MTBP: variants seen among roughly 807,000 people sequenced by gnomAD.
The protein encoded by MTBP is mdm2-binding protein.
A neutral mutation model predicts 117.0 loss-of-function variants in MTBP; 101 were observed. The ratio of observed to expected loss-of-function variants is 0.86; its 90% CI spans 0.73 to 1.02. The LOEUF is 1.02. MTBP is among the 50% of genes least tolerant of loss of function. MTBP has a pLI of 0.00. For missense variants in MTBP, 970 were observed against 1,030.9 expected (o/e 0.94, Z 0.81); for synonymous variants, 350 against 351.5 (o/e 1.00, Z 0.05).
intron 10 of MTBP, among the ~76,000 whole-genome samples, chr8:120,469,335 C>T (rs1414130158): frequency 3.3e-5 from 5 of 152,108 alleles, no homozygotes; most frequent in Non-Finnish European, 4.4e-5. Context: ...TATGAGCCAC[C>T]ATGCCTGGCC....
intron 15 of MTBP, among the ~76,000 whole-genome samples, chr8:120,505,560 C>A (rs1814670980): frequency 6.6e-6 from 1 of 152,080 alleles, no homozygotes; most frequent in Middle Eastern, 3.2e-3. Flanking sequence ...CCTTAATATA[C>A]AGAAATATGT....
intron 11 of MTBP, among the ~76,000 whole-genome samples, chr8:120,476,051 G>A (rs1424682040): frequency 1.3e-5 from 2 of 151,918 alleles, no homozygotes; most frequent in Non-Finnish European, 2.9e-5. Flanking sequence ...AGGAAACCAA[G>A]AACCTTATCT....
intron 11 of MTBP, among the ~76,000 whole-genome samples, chr8:120,478,993 C>T (rs1814010223): frequency 6.6e-6 from 1 of 152,182 alleles, no homozygotes. Context: ...ACTGTGGAAC[C>T]ATGTCCTTTG....
At position 120,518,777 on chromosome 8, in the gene MTBP, G is replaced by T. The variant is rs1162405321; in HGVS notation, c.2570G>T (p.Cys857Phe). The change falls in exon 20 of 22, where the codon TGC becomes TTC. Residue 857 changes from cysteine to phenylalanine, a missense_variant. Cys to Phe is a radical substitution (Grantham distance 205, BLOSUM62 -2). Coordinates refer to ENST00000305949, the MANE Select transcript of MTBP (RefSeq NM_022045.5). The stretch of plus-strand genomic sequence containing the variant: ...GAGACTCATGAATGTTTCACTGCAT[G>T]CAGCCAGCGTCTCTTTGAAATCTCT... Reference protein sequence around the residue: ...ITETHECFTACSQRLFEISKF... With the variant: ...ITETHECFTAFSQRLFEISKF... 1 of 1,611,836 alleles carries T rather than the reference G, an allele frequency of 6.2e-7. No homozygotes were observed. Among genetic ancestry groups the T allele is most frequent in the South Asian group, 1.1e-5 (1 of 90,918 alleles).
At chr8:120,518,501 C>T (rs1814959183) in intron 19 of MTBP, among the ~76,000 whole-genome samples, 1 of 151,932 alleles carries the variant, frequency 6.6e-6, no homozygotes, top group Non-Finnish European at 1.5e-5. Context: ...GTAGTCATTT[C>T]CTGCTAACAT....
intron 17 of MTBP, among the ~76,000 whole-genome samples, chr8:120,514,527 C>T (rs556778908): frequency 4.9e-4 from 75 of 152,132 alleles, no homozygotes; most frequent in Non-Finnish European, 9.0e-4. Flanking sequence ...CTTGAAAGCT[C>T]TTCAGATGGT....
chr8:120,513,744 C>T (rs1002672090), intron 17 of MTBP, among the ~76,000 whole-genome samples: 5 of 151,970 alleles, frequency 3.3e-5, no homozygotes, highest in Non-Finnish European at 7.4e-5. Context: ...TATTCAAGCT[C>T]ATCAGGCATT....
chr8:120,446,172 A>G (rs560743183), intron 1 of MTBP, among the ~76,000 whole-genome samples: 28 of 152,336 alleles, frequency 1.8e-4, no homozygotes, highest in Non-Finnish European at 3.4e-4. Flanking sequence ...ATTGTCACAG[A>G]ATTTCCCTTC....
intron 10 of MTBP, among the ~76,000 whole-genome samples, chr8:120,469,483 T>C (rs1179047825): frequency 6.6e-6 from 1 of 152,226 alleles, no homozygotes. Context: ...CAGCTTCCTA[T>C]GGCCGGCCGC....
chr8:120,520,321 A>C (rs948539744), intron 20 of MTBP, among the ~76,000 whole-genome samples: 2 of 152,170 alleles, frequency 1.3e-5, no homozygotes, highest in Non-Finnish European at 2.9e-5. Context: ...AAAGTCAATT[A>C]AATAGAAAGG....
intron 13 of MTBP, among the ~76,000 whole-genome samples, chr8:120,491,229 G>C (rs1020382101): frequency 2.6e-5 from 4 of 151,820 alleles, no homozygotes; most frequent in Non-Finnish European, 5.9e-5. Context: ...GTTCTCCTTA[G>C]TTGTATGTAG....
chr8:120,480,638 A>C (rs571924864), intron 11 of MTBP, among the ~76,000 whole-genome samples: 18 of 152,350 alleles, frequency 1.2e-4, no homozygotes, highest in Non-Finnish European at 2.5e-4. Context: ...GCGAAAGGAC[A>C]GTTTCAACAC....
intron 2 of MTBP, among the ~76,000 whole-genome samples, chr8:120,449,069 G>A (rs1813283619): frequency 6.6e-6 from 1 of 152,162 alleles, no homozygotes; most frequent in Non-Finnish European, 1.5e-5. Flanking sequence ...AGATGGATTA[G>A]AGAAAAGTAT....
intron 11 of MTBP, among the ~76,000 whole-genome samples, chr8:120,474,884 T>C (rs375679606): frequency 1.3e-5 from 2 of 152,054 alleles, no homozygotes; most frequent in East Asian, 3.9e-4. Context: ...CAAGACATAA[T>C]GAAAAAAGCA....
At chr8:120,488,865 C>T (rs1814277802) in intron 12 of MTBP, among the ~76,000 whole-genome samples, 1 of 152,072 alleles carries the variant, frequency 6.6e-6, no homozygotes, top group Non-Finnish European at 1.5e-5. Flanking sequence ...ACAACTGTGG[C>T]TCCAGTCATT....
chr8:120,518,583 C>A, intron 19 of MTBP, 121 bp from the exon 20 acceptor site: 1 of 578,736 alleles, frequency 1.7e-6, no homozygotes, highest in Non-Finnish European at 3.0e-6. Context: ...TCTTAATGAA[C>A]CTGTCTGTCT....
At chr8:120,509,494 C>T (rs909958127) in intron 16 of MTBP, among the ~76,000 whole-genome samples, 11 of 151,992 alleles carry the variant, frequency 7.2e-5, no homozygotes, top group African/African-American at 2.7e-4. Context: ...TCTAGCTACT[C>T]GGGAAGCTGA....
chr8:120,476,303 T>C (rs1405303097), intron 11 of MTBP, among the ~76,000 whole-genome samples: 1 of 152,142 alleles, frequency 6.6e-6, no homozygotes, highest in African/African-American at 2.4e-5. Flanking sequence ...AATATCATAC[T>C]GAATGGGCAA....
chr8:120,451,646 A>C (rs1425605513), intron 4 of MTBP: 1 of 243,644 alleles, frequency 4.1e-6, no homozygotes, highest in African/African-American at 2.3e-5. Flanking sequence ...GCAGTGGTGC[A>C]GTCACGGCTT....
Sources: allele counts gnomAD v4.1 joint callset (sites outside exome capture counted in the v4.1 genomes callset), GRCh38; gene constraint gnomAD v4.1.1; transcripts MANE v1.5; gene names NCBI Gene and HGNC (gene_info 2026-07-23, HGNC 2026-07-21).